IST1: variants seen among roughly 807,000 people sequenced by gnomAD.
IST1 encodes the protein IST1 factor associated with ESCRT-III.
Under a neutral mutation model 37.0 loss-of-function variants are expected in IST1, and 23 were observed. The ratio of observed to expected loss-of-function variants is 0.62; its 90% confidence interval spans 0.45 to 0.88. The LOEUF (loss-of-function observed/expected upper bound fraction) is 0.88. Ranked by LOEUF, IST1 falls within the 40% of genes least tolerant of loss-of-function variation. The probability of loss-of-function intolerance (pLI) is 0.00; values close to 1 mark genes in which losing one functional copy is unlikely to be tolerated. For synonymous variants in IST1, 180 were observed against 161.7 expected (o/e 1.11, Z -0.86); for missense variants, 488 against 445.4 (o/e 1.10, Z -0.86).
rs1324640125 is a variant in IST1 at position 71,929,745 on chromosome 16, A to T, written c.*1932A>T. On this transcript the variant is annotated 3_prime_UTR_variant, in exon 10 of 10. Transcript: ENST00000378799. ...ATTACTGCTAATAGTGGAGTAAAAA[A>T]AGTACCAAAGATTTTTAAAAAATTA... 10 of 1,374,712 alleles carry T rather than the reference A, an allele frequency of 7.3e-6. No homozygotes were observed. The highest frequency in any genetic ancestry group is 3.0e-5 in the African/African-American group (2 of 67,620). The allele number at this position is 1,374,712 out of a possible 1,614,324, so 85.2% of individuals were successfully genotyped here. A position where few individuals can be genotyped will look rare whatever the true frequency, so the allele number is the denominator to read the frequency against.
intron 6 of IST1, chr16:71,921,714 G>T: frequency 2.7e-6 from 1 of 374,500 alleles, no homozygotes; most frequent in Non-Finnish European, 5.0e-6. Context: ...TGAACTTCAG[G>T]AATTGAGAAA....
In IST1 at chr16:71,927,749, C is replaced by T. The variant is rs752360039; in HGVS notation, c.1037C>T (p.Ala346Val). 1.2e-6 allele frequency: 2 copies of T among 1,614,094 alleles called. No individual in the cohort carries two copies. Among genetic ancestry groups the T allele is most frequent in the Admixed American group, 3.3e-5 (2 of 60,020 alleles). Reference sequence around the variant, plus strand: ...GCATCTGCTGGTGCCAGCACCTCAGCATCTGAAGACATTGACTTTGATGAT... The same window carrying T: ...GCATCTGCTGGTGCCAGCACCTCAGTATCTGAAGACATTGACTTTGATGAT... ...PTASAGASTS[A>V]SEDIDFDDLS... Residue 346 changes from alanine to valine, a missense_variant, in exon 10 of 10, where the codon GCA becomes GTA. By Grantham distance (64) the Ala-to-Val change is moderately conservative. Coordinates refer to ENST00000378799, the MANE Select transcript of IST1 (RefSeq NM_001270975.2).
chr16:71,930,017 AT>A lies in IST1; in HGVS notation c.*2205del. ...GTTACAGTGGAGCTTTCCCAGTGAT[AT>A]AACAGCATGCTAGTTTATCTTTTAG... On this transcript the variant is annotated 3_prime_UTR_variant, in exon 10 of 10. Transcript: ENST00000378799. 2.0e-6 allele frequency: 3 copies of A among 1,534,922 alleles called. No individual in the cohort carries two copies. The East Asian group carries it at 7.4e-5, about 38-fold the overall frequency.
intron 1 of IST1, among the ~76,000 whole-genome samples, chr16:71,913,021 G>A (rs1315963525): frequency 6.6e-6 from 1 of 152,164 alleles, no homozygotes; most frequent in Non-Finnish European, 1.5e-5. Context: ...CATTTGGGTT[G>A]CCTCCACCTC....
chr16:71,911,438 C>G (rs78632807), intron 1 of IST1, among the ~76,000 whole-genome samples: 10,331 of 151,886 alleles, frequency 0.068, 448 homozygotes, highest in Middle Eastern at 0.11. Flanking sequence ...GAGGCTGAGG[C>G]AAGAGAATTG....
In IST1 at chr16:71,930,219, A is replaced by T; in HGVS notation, c.*2406A>T. The stretch of plus-strand genomic sequence containing the variant: ...AATAAGAACACTTGCAGTGACTGAC[A>T]ATTTAGTTTATACTTTACAAACATA... On this transcript the variant is annotated 3_prime_UTR_variant, in exon 10 of 10. Transcript: ENST00000378799. 2 of 1,514,472 alleles carry T rather than the reference A, an allele frequency of 1.3e-6. No homozygotes were observed. Among genetic ancestry groups the T allele is most frequent in the Non-Finnish European group, 1.8e-6 (2 of 1,129,080 alleles). The allele number at this position is 1,514,472 out of a possible 1,614,324, so 93.8% of individuals were successfully genotyped here.
At chr16:71,906,494 T>C (rs923820297) in intron 1 of IST1, among the ~76,000 whole-genome samples, 3 of 151,730 alleles carry the variant, frequency 2.0e-5, no homozygotes, top group Admixed American at 6.6e-5. Flanking sequence ...TTTTTTTTTT[T>C]CGTAGAGACG....
chr16:71,927,819 T>C lies in IST1; in HGVS notation c.*6T>C, dbSNP rs2037786449. ...AGCTGAAAAAGAAAACATAGGTCTCTTAAACCAGGCAACTTTCACGTTTTG... is the reference window on the plus strand; with the variant it reads ...AGCTGAAAAAGAAAACATAGGTCTCCTAAACCAGGCAACTTTCACGTTTTG... On this transcript the variant is annotated 3_prime_UTR_variant, in exon 10 of 10. Coordinates refer to ENST00000378799, the MANE Select transcript of IST1 (RefSeq NM_001270975.2). 3 of 1,609,244 alleles carry C rather than the reference T, an allele frequency of 1.9e-6. No homozygotes were observed. Among genetic ancestry groups the C allele is most frequent in the Admixed American group, 1.7e-5 (1 of 59,954 alleles).
intron 1 of IST1, among the ~76,000 whole-genome samples, chr16:71,898,547 G>A (rs1424695476): frequency 6.6e-6 from 1 of 151,580 alleles, no homozygotes; most frequent in Non-Finnish European, 1.5e-5. Context: ...AGTTGGGCAT[G>A]GTGGCGGGCG....
At chr16:71,924,851 A>T in intron 9 of IST1, 34 bp downstream of exon 9, 3 of 1,431,594 alleles carry the variant, frequency 2.1e-6, no homozygotes, top group Non-Finnish European at 3.0e-6. Flanking sequence ...TGCAGAGCTC[A>T]GTGCTGAACC....
In IST1 at chr16:71,929,977, G is replaced by A. The variant is rs373187985; in HGVS notation, c.*2164G>A. On this transcript the variant is annotated 3_prime_UTR_variant, in exon 10 of 10. Coordinates refer to ENST00000378799, the MANE Select transcript of IST1 (RefSeq NM_001270975.2). ...TGTGCATTATAAATTATGTCAGCCCGTCATCTTAGGGGCAGTTACAGTGGA... is the reference window on the plus strand; with the variant it reads ...TGTGCATTATAAATTATGTCAGCCCATCATCTTAGGGGCAGTTACAGTGGA... 50 of 1,414,874 alleles carry A rather than the reference G, an allele frequency of 3.5e-5. No individual in the cohort carries two copies. In the East Asian group the frequency reaches 7.0e-4, roughly 20 times the overall value. 87.6% of individuals were successfully genotyped at this position (1,414,874 alleles called of 1,614,324 possible).
chr16:71,917,665 T>G (rs532613131), intron 4 of IST1, among the ~76,000 whole-genome samples: 12 of 152,284 alleles, frequency 7.9e-5, no homozygotes, highest in Non-Finnish European at 1.2e-4. Flanking sequence ...TTCAGTTGTG[T>G]TGTTTTCTAT....
In IST1 at chr16:71,929,032, A is replaced by G. The variant is rs1567478835; in HGVS notation, c.*1219A>G. On this transcript the variant is annotated 3_prime_UTR_variant, in exon 10 of 10. Transcript: ENST00000378799. ...CCTGCTTTCTCTACTGTTTGGTCAG[A>G]TGATGAAGTATAAATCTGGATTTTA... The G allele has an allele frequency of 6.5e-6, 1 of 153,372 alleles. No homozygotes were observed. The highest frequency in any genetic ancestry group is 2.4e-5 in the African/African-American group (1 of 41,478). 9.5% of individuals were successfully genotyped at this position (153,372 alleles called of 1,614,324 possible). A position where few individuals can be genotyped will look rare whatever the true frequency, so the allele number is the denominator to read the frequency against.
At chr16:71,911,518 G>A (rs907483407) in intron 1 of IST1, among the ~76,000 whole-genome samples, 1 of 152,064 alleles carries the variant, frequency 6.6e-6, no homozygotes, top group Non-Finnish European at 1.5e-5. Context: ...GGGCGACAAA[G>A]TGAAGATTGT....
At chr16:71,918,537 G>A (rs1232005688) in intron 4 of IST1, among the ~76,000 whole-genome samples, 21 of 150,710 alleles carry the variant, frequency 1.4e-4, no homozygotes, top group Non-Finnish European at 2.9e-5. Flanking sequence ...TTGCCTCATC[G>A]TCCTTAGTAG....
chr16:71,899,667 G>A (rs2037057596), intron 1 of IST1, among the ~76,000 whole-genome samples: 1 of 150,976 alleles, frequency 6.6e-6, no homozygotes, highest in South Asian at 2.1e-4. Flanking sequence ...CCTGAGGTCA[G>A]GAGTTTGAGA....
chr16:71,908,649 A>ATGTGTGAGTTGAGATTTTCCCAG (rs1440540142), intron 1 of IST1, among the ~76,000 whole-genome samples: 1 of 152,018 alleles, frequency 6.6e-6, no homozygotes. Context: ...TCTCAGGTTG[A>ATGTGTGAGTTGAGATTTTCCCAG]TGTGTGAGTT....
At chr16:71,908,262 T>A (rs756833938) in intron 1 of IST1, among the ~76,000 whole-genome samples, 30 of 148,940 alleles carry the variant, frequency 2.0e-4, no homozygotes, top group Non-Finnish European at 4.0e-4. Context: ...TTTTAATCTT[T>A]CCATTCAAGA....
chr16:71,929,502 G>A lies in IST1; in HGVS notation c.*1689G>A, dbSNP rs147352269. On this transcript the variant is annotated 3_prime_UTR_variant, in exon 10 of 10. Coordinates refer to ENST00000378799, the MANE Select transcript of IST1 (RefSeq NM_001270975.2). ...GCCATGCAAAGATAAGTAGTAATACGCTAATAAATACTAAGCCAAGTAGGA... is the reference window on the plus strand; with the variant it reads ...GCCATGCAAAGATAAGTAGTAATACACTAATAAATACTAAGCCAAGTAGGA... 8.6e-4 allele frequency: 1,297 copies of A among 1,515,568 alleles called. 4 individuals are homozygous for A. Among genetic ancestry groups the A allele is most frequent in the South Asian group, 7.0e-3 (552 of 78,520 alleles). 93.9% of individuals were successfully genotyped at this position (1,515,568 alleles called of 1,614,324 possible). A position where few individuals can be genotyped will look rare whatever the true frequency, so the allele number is the denominator to read the frequency against.
Sources: gnomAD v4.1 joint callset for allele counts (sites outside exome capture counted in the v4.1 genomes callset) on GRCh38, gnomAD v4.1.1 for gene constraint, MANE v1.5 for transcripts, NCBI Gene and HGNC (gene_info 2026-07-23, HGNC 2026-07-21) for gene names.